LARP7: variants seen among roughly 807,000 people sequenced by gnomAD.
LARP7 encodes la-related protein 7.
LARP7 carries 52 observed loss-of-function variants against 69.3 expected under a neutral mutation model. The ratio of observed to expected loss-of-function variants is 0.75; its 90% confidence interval spans 0.60 to 0.95. LARP7 has a LOEUF of 0.95. LARP7 is among the 40% of genes least tolerant of loss of function. The probability of loss-of-function intolerance (pLI) is 0.00; values close to 1 mark genes in which losing one functional copy is unlikely to be tolerated. For missense variants in LARP7, 733 were observed against 673.0 expected (o/e 1.09, Z -0.99); for synonymous variants, 254 against 215.9 (o/e 1.18, Z -1.55).
At chr4:112,646,977 A>G (rs1374913761) in intron 5 of LARP7, 22 bp downstream of exon 5, 3 of 1,575,726 alleles carry the variant, frequency 1.9e-6, no homozygotes, top group Non-Finnish European at 1.7e-6. Flanking sequence ...TCCTAAAAAA[A>G]AAAAAAGAAA....
At chr4:112,643,926 T>C (rs1273615974) in intron 1 of LARP7, among the ~76,000 whole-genome samples, 4 of 151,886 alleles carry the variant, frequency 2.6e-5, no homozygotes, top group African/African-American at 4.8e-5. Flanking sequence ...ATTCTGCCCC[T>C]AGAAAGCAGA....
chr4:112,649,723 T>C (rs2048618361), intron 9 of LARP7, 37 bp downstream of exon 9: 1 of 1,370,932 alleles, frequency 7.3e-7, no homozygotes, highest in Non-Finnish European at 9.9e-7. Context: ...CATTATAATG[T>C]ACTTATATAT....
rs752239682 is a variant in LARP7, at chr4:112,650,530, T to C, written c.1364T>C (p.Val455Ala). Residue 455 changes from valine (V) to alanine (A), a missense_variant, in exon 10 of 13, where the codon GTG (valine) becomes GCG (alanine). Coordinates refer to ENST00000344442, the MANE Select transcript of LARP7 (RefSeq NM_016648.4). Reference protein sequence around the residue: ...NATGPQFVSGVIVKIISTEPL... With the variant: ...NATGPQFVSGAIVKIISTEPL... ...ACAGGACCACAGTTCGTGAGTGGAG[T>C]GATTGTGAAGATCATTAGCACAGAG... The C allele has an allele frequency of 9.9e-6, 16 of 1,613,412 alleles. No homozygotes were observed. The highest frequency in any genetic ancestry group is 1.1e-5 in the Non-Finnish European group (13 of 1,179,700).
At chr4:112,646,022 C>G (rs1242934160) in intron 2 of LARP7, among the ~76,000 whole-genome samples, 1 of 151,868 alleles carries the variant, frequency 6.6e-6, no homozygotes, top group Non-Finnish European at 1.5e-5. Flanking sequence ...TTGTTTGAGT[C>G]TCTTTCTCCC....
chr4:112,647,999 AACC>A, intron 8 of LARP7, 165 bp downstream of exon 8: 1 of 711,738 alleles, frequency 1.4e-6, no homozygotes, highest in South Asian at 1.4e-5. Flanking sequence ...ATTAGGTAGG[AACC>A]ACCACACTCA....
chr4:112,653,284 G>A (rs2048828158), intron 11 of LARP7, 48 bp downstream of exon 11: 3 of 1,433,862 alleles, frequency 2.1e-6, no homozygotes, highest in Admixed American at 2.5e-5. Context: ...CATCCTTATT[G>A]TGAGTAATAT....
rs1578628786 is a variant in LARP7, at chr4:112,650,449, T to G, written c.1295-12T>G. 6.2e-7 allele frequency: 1 copy of G among 1,613,362 alleles called. No homozygotes were observed. The highest frequency in any genetic ancestry group is 1.1e-5 in the South Asian group (1 of 91,006). ...AGAGATTTAGTCCTGGTCTTTTTCC[T>G]TTTCTAATCAGCAGCCAACAGGGAA... On this transcript the variant is annotated splice_polypyrimidine_tract_variant and intron_variant, in intron 9 of 12. Coordinates refer to ENST00000344442, the MANE Select transcript of LARP7 (RefSeq NM_016648.4).
At chr4:112,645,027 A>G (rs548604509) in intron 2 of LARP7, among the ~76,000 whole-genome samples, 156 bp downstream of exon 2, 1 of 133,326 alleles carries the variant, frequency 7.5e-6, no homozygotes, top group African/African-American at 2.8e-5. Context: ...GCTCATTGCA[A>G]CCTCTGCCTC....
intron 10 of LARP7, among the ~76,000 whole-genome samples, chr4:112,650,947 A>G (rs746400428): frequency 2.0e-5 from 3 of 152,184 alleles, no homozygotes; most frequent in Non-Finnish European, 4.4e-5. Flanking sequence ...AAAATTTTTC[A>G]CGCATGTGCC....
intron 8 of LARP7, chr4:112,648,070 G>C (rs1267189247): frequency 8.0e-6 from 5 of 628,778 alleles, no homozygotes; most frequent in African/African-American, 7.2e-5. Context: ...TTAAAGTAGA[G>C]GGGGCCCCTT....
intron 2 of LARP7, among the ~76,000 whole-genome samples, chr4:112,645,272 A>G (rs528134487): frequency 1.4e-4 from 21 of 152,146 alleles, no homozygotes; most frequent in African/African-American, 4.6e-4. Context: ...TAATGTGTAT[A>G]TTCGTTTCTG....
rs1438445905 is a variant in LARP7, at chr4:112,637,209, A to G, written c.-33A>G. The G allele has an allele frequency of 6.6e-6, 1 of 152,240 alleles. No individual in the cohort carries two copies. Among genetic ancestry groups the G allele is most frequent in the African/African-American group, 2.4e-5 (1 of 41,454 alleles). The allele number at this position is 152,240 out of a possible 1,614,324, so 9.4% of individuals were successfully genotyped here. A position where few individuals can be genotyped will look rare whatever the true frequency, so the allele number is the denominator to read the frequency against. On this transcript the variant is annotated 5_prime_UTR_variant, in exon 1 of 13. Transcript: ENST00000344442. Reference sequence around the variant, plus strand: ...GACGGAAATGTCCGAAGGCCGCAGTACTTGACCCTGTATTTTGGGAGTCGA... The same window carrying G: ...GACGGAAATGTCCGAAGGCCGCAGTGCTTGACCCTGTATTTTGGGAGTCGA...
chr4:112,640,831 G>A (rs1467397517), intron 1 of LARP7, among the ~76,000 whole-genome samples: 1 of 152,224 alleles, frequency 6.6e-6, no homozygotes, highest in Non-Finnish European at 1.5e-5. Flanking sequence ...AGCGGAAAGA[G>A]GTAAGTCTCT....
intron 2 of LARP7, 74 bp downstream of exon 2, chr4:112,644,945 C>CCT (rs2048110785): frequency 6.1e-6 from 1 of 165,088 alleles, no homozygotes; most frequent in Non-Finnish European, 9.5e-6. Flanking sequence ...ATAATATATT[C>CCT]TTTTTTTTTT....
intron 2 of LARP7, among the ~76,000 whole-genome samples, chr4:112,645,967 TATGCA>T (rs2048191154): frequency 6.6e-6 from 1 of 151,930 alleles, no homozygotes; most frequent in Non-Finnish European, 1.5e-5. Context: ...GGTCGCCAAA[TATGCA>T]ATGCCATTTA....
chr4:112,639,072 C>G (rs1278276323), intron 1 of LARP7, among the ~76,000 whole-genome samples: 3 of 152,092 alleles, frequency 2.0e-5, no homozygotes, highest in African/African-American at 4.8e-5. Context: ...GTCACTTAAA[C>G]CTTTTTGAGT....
chr4:112,649,407 A>ATG, intron 8 of LARP7, 128 bp from the exon 9 acceptor site: 1 of 677,142 alleles, frequency 1.5e-6, no homozygotes. Flanking sequence ...TATTTTGAAT[A>ATG]TGTGTTTAAA....
chr4:112,651,292 C>G (rs550994406), intron 10 of LARP7, among the ~76,000 whole-genome samples: 48 of 152,266 alleles, frequency 3.2e-4, no homozygotes, highest in African/African-American at 1.1e-3. Context: ...CAGGTTTTAA[C>G]TTGAATACCA....
intron 2 of LARP7, among the ~76,000 whole-genome samples, chr4:112,645,236 C>T (rs1483100191): frequency 6.6e-6 from 1 of 152,130 alleles, no homozygotes; most frequent in Non-Finnish European, 1.5e-5. Flanking sequence ...TGAGCCACTA[C>T]ACCCAGCCTA....
Sources: gnomAD v4.1 joint callset for allele counts (sites outside exome capture counted in the v4.1 genomes callset) on GRCh38, gnomAD v4.1.1 for gene constraint, MANE v1.5 for transcripts, NCBI Gene and HGNC (gene_info 2026-07-23, HGNC 2026-07-21) for gene names.